Variants in POTEB3 observed in about 807,000 individuals in gnomAD.
The protein encoded by POTEB3 is POTE ankyrin domain family member B3.
Under a neutral mutation model 39.8 loss-of-function variants are expected in POTEB3, and 5 were observed. The observed-to-expected ratio is 0.13, with a 90% CI of 0.07 to 0.26. The LOEUF is 0.26. Ranked by LOEUF, POTEB3 falls within the 10% of genes least tolerant of loss-of-function variation. The pLI is 1.00. For missense variants in POTEB3, 24 were observed against 475.6 expected (o/e 0.05, Z 8.83); for synonymous variants, 5 against 161.5 (o/e 0.03, Z 7.35).
intron 6 of POTEB3, chr15:21,424,881 A>G (rs1898619509): frequency 6.8e-6 from 1 of 146,616 alleles, no homozygotes; most frequent in Non-Finnish European, 1.5e-5. Context: ...ACTTCCACTG[A>G]GAACATAAAC....
chr15:21,434,048 CACACACACACACACACAA>C lies in POTEB3; in HGVS notation c.810+595_810+612del, dbSNP rs1275537002. On this transcript the variant is annotated intron_variant, in intron 3 of 10. Coordinates refer to ENST00000611217, the MANE Select transcript of POTEB3 (RefSeq NM_207355.5). The stretch of plus-strand genomic sequence containing the variant: ...CAATAACAACACACACACACACACA[CACACACACACACACACAA>C]ACAAAAACAAAAACAAAAAAAAAAC... 3.2e-3 allele frequency among the ~76,000 whole-genome samples: 425 copies of C among 134,172 alleles called. 3 individuals are homozygous for C. The highest frequency in any genetic ancestry group is 0.012 in the African/African-American group (386 of 32,026). 88.0% of individuals were successfully genotyped at this position (134,172 alleles called of 152,430 possible).
intron 4 of POTEB3, among the ~76,000 whole-genome samples, chr15:21,430,899 C>G (rs1486807319): frequency 6.6e-6 from 1 of 151,882 alleles, no homozygotes; most frequent in Admixed American, 6.6e-5. Flanking sequence ...GAATTAAATG[C>G]CACATGTATC....
At chr15:21,434,057 A>G (rs1899089447) in intron 3 of POTEB3, among the ~76,000 whole-genome samples, 1 of 102,128 alleles carries the variant, frequency 9.8e-6, no homozygotes, top group South Asian at 2.6e-4. Flanking sequence ...ACACACACAC[A>G]CACACACAAA....
intron 3 of POTEB3, among the ~76,000 whole-genome samples, chr15:21,433,313 C>T (rs1899049030): frequency 6.6e-6 from 1 of 150,580 alleles, no homozygotes. Context: ...GAGTAGAACT[C>T]CTAAGCTCAG....
At chr15:21,425,074 T>C (rs3865075) in intron 6 of POTEB3, 2,756 of 125,426 alleles carry the variant, frequency 0.022, 23 homozygotes, top group East Asian at 0.041. Context: ...TTAGAATACA[T>C]TGATACTAGT....
Position 21,410,846 on chromosome 15 carries a change from T to C in POTEB3, c.1533+32A>G. 1.6e-5 allele frequency: 17 copies of C among 1,055,962 alleles called. 1 individual carries two copies. The South Asian group carries it at 2.2e-4, about 14-fold the overall frequency. The allele number at this position is 1,055,962 out of a possible 1,614,324, so 65.4% of individuals were successfully genotyped here. ...AGCTTTTTAAAAATATACACACATA[T>C]GAAAACATTTGATAATGACTAAAGA... On this transcript the variant is annotated intron_variant, in intron 10 of 10. Transcript: ENST00000611217.
intron 9 of POTEB3, among the ~76,000 whole-genome samples, chr15:21,416,721 C>T (rs55635043): frequency 5.1e-4 from 1 of 1,958 alleles, no homozygotes. Context: ...AGACAGATCC[C>T]CTGAGGTCAG....
chr15:21,434,426 G>A (rs1899109767), intron 3 of POTEB3, among the ~76,000 whole-genome samples: 1 of 75,056 alleles, frequency 1.3e-5, no homozygotes, highest in African/African-American at 6.7e-5. Flanking sequence ...TACAAATTCC[G>A]TGTTTTTTTT....
intron 9 of POTEB3, among the ~76,000 whole-genome samples, chr15:21,414,734 A>G (rs1451889358): frequency 7.1e-5 from 7 of 98,196 alleles, no homozygotes; most frequent in Non-Finnish European, 1.1e-4. Context: ...CCAAAGGTTC[A>G]TAATCCCTTG....
At chr15:21,434,086 A>C (rs60405332) in intron 3 of POTEB3, among the ~76,000 whole-genome samples, 8,387 of 128,080 alleles carry the variant, frequency 0.065, 187 homozygotes, top group African/African-American at 0.14. Flanking sequence ...AAAACAAAAA[A>C]AAAACCTCTT....
intron 6 of POTEB3, among the ~76,000 whole-genome samples, chr15:21,422,871 G>A (rs1453071172): frequency 6.7e-6 from 1 of 150,060 alleles, no homozygotes; most frequent in Middle Eastern, 3.6e-3. Context: ...TATAAGCCAA[G>A]CCCTGTCTTT....
At chr15:21,409,943 A>T (rs1358570462) in intron 10 of POTEB3, among the ~76,000 whole-genome samples, 1 of 96,370 alleles carries the variant, frequency 1.0e-5, no homozygotes, top group African/African-American at 7.6e-5. Flanking sequence ...ATTGCACTCC[A>T]GCGTGGGTGA....
chr15:21,430,928 C>A (rs1245175293), intron 4 of POTEB3, among the ~76,000 whole-genome samples: 2 of 151,840 alleles, frequency 1.3e-5, no homozygotes, highest in Non-Finnish European at 2.9e-5. Context: ...TTATGCACAG[C>A]CAACTTTGAA....
chr15:21,436,577 A>T (rs1899148487), intron 1 of POTEB3, among the ~76,000 whole-genome samples: 2 of 136,426 alleles, frequency 1.5e-5, no homozygotes, highest in African/African-American at 5.5e-5. Flanking sequence ...CAAGTCTTAT[A>T]CATTTTCAAA....
chr15:21,426,460 T>A lies in POTEB3; in HGVS notation c.1126+1225A>T, dbSNP rs1203615758. Among the ~76,000 whole-genome samples the A allele has an allele frequency of 2.0e-3, 306 of 149,294 alleles. 4 individuals are homozygous for A. Among genetic ancestry groups the A allele is most frequent in the African/African-American group, 7.2e-3 (287 of 39,612 alleles). On this transcript the variant is annotated intron_variant, in intron 6 of 10. Transcript: ENST00000611217. ...TGATAATAACAAGCTCCTGTCTGTA[T>A]TTTTAATTGTGTGTGTTCTGTAGCA...
chr15:21,422,058 A>C (rs1291368002), intron 7 of POTEB3, 62 bp downstream of exon 7: 1 of 1,608,218 alleles, frequency 6.2e-7, no homozygotes, highest in Non-Finnish European at 8.5e-7. Context: ...TGGACTATCT[A>C]ATATTATTCA....
At chr15:21,428,652 TGAA>T (rs1898828214) in intron 5 of POTEB3, among the ~76,000 whole-genome samples, 1 of 139,232 alleles carries the variant, frequency 7.2e-6, no homozygotes, top group East Asian at 2.1e-4. Flanking sequence ...TCAGTTTTCA[TGAA>T]GAAGCTGCAA....
intron 10 of POTEB3, among the ~76,000 whole-genome samples, 190 bp from the exon 11 acceptor site, chr15:21,409,385 C>A (rs1333470407): frequency 2.7e-5 from 2 of 72,768 alleles, no homozygotes; most frequent in Non-Finnish European, 5.0e-5. Flanking sequence ...AAATATTTAT[C>A]TAAAGACCAT....
chr15:21,422,272 GACA>G, intron 6 of POTEB3, 82 bp from the exon 7 acceptor site: 4 of 1,498,280 alleles, frequency 2.7e-6, no homozygotes, highest in South Asian at 1.2e-5. Context: ...ATAGATTGAA[GACA>G]ACATTTTATT....
Sources: allele counts gnomAD v4.1 joint callset (sites outside exome capture counted in the v4.1 genomes callset), GRCh38; gene constraint gnomAD v4.1.1; transcripts MANE v1.5; gene names NCBI Gene and HGNC (gene_info 2026-07-23, HGNC 2026-07-21).